Variants in SFSWAP observed in about 807,000 individuals in gnomAD.
SFSWAP encodes the protein splicing factor SWAP.
A neutral mutation model predicts 100.7 loss-of-function variants in SFSWAP; 17 were observed. The ratio of observed to expected loss-of-function variants is 0.17; its 90% CI spans 0.12 to 0.25. The LOEUF (loss-of-function observed/expected upper bound fraction) is 0.25, where lower values mean the gene tolerates loss of function less well. Among genes scored for constraint, SFSWAP ranks in the 10% least tolerant of loss-of-function variants. The pLI, the probability that SFSWAP is intolerant of heterozygous loss-of-function variation, is 1.00. For synonymous variants in SFSWAP, 504 were observed against 510.1 expected (o/e 0.99, Z 0.16); for missense variants, 1,005 against 1,262.6 (o/e 0.80, Z 3.09).
chr12:131,742,042 T>G (rs1051320032), intron 7 of SFSWAP, among the ~76,000 whole-genome samples: 9 of 152,310 alleles, frequency 5.9e-5, no homozygotes, highest in Middle Eastern at 6.8e-3. Context: ...ACAGCCTTCT[T>G]GGGAAGACCT....
At chr12:131,792,039 C>T (rs1334845548) in intron 15 of SFSWAP, among the ~76,000 whole-genome samples, 3 of 150,354 alleles carry the variant, frequency 2.0e-5, no homozygotes, top group Admixed American at 6.6e-5. Flanking sequence ...TGTGTGTTCA[C>T]GGATCAGTAC....
At chr12:131,783,787 A>G (rs1884668140) in intron 14 of SFSWAP, 2 of 53,102 alleles carry the variant, frequency 3.8e-5, no homozygotes, top group South Asian at 1.5e-3. Context: ...TCAAAAAAAA[A>G]CATTTTATAT....
chr12:131,748,052 C>T (rs532167081), intron 7 of SFSWAP, among the ~76,000 whole-genome samples: 36 of 152,258 alleles, frequency 2.4e-4, no homozygotes, highest in South Asian at 1.0e-3. Context: ...CCTGGAGAGC[C>T]GGGAGACAGG....
intron 13 of SFSWAP, among the ~76,000 whole-genome samples, chr12:131,766,516 G>A (rs981607471): frequency 1.3e-4 from 20 of 152,188 alleles, no homozygotes; most frequent in African/African-American, 4.3e-4. Flanking sequence ...GCACAGTCAC[G>A]CCAGCAGCAA....
At chr12:131,751,840 C>T (rs1470515613) in intron 7 of SFSWAP, among the ~76,000 whole-genome samples, 5 of 152,230 alleles carry the variant, frequency 3.3e-5, no homozygotes, top group Non-Finnish European at 4.4e-5. Flanking sequence ...CCCCTGCTCC[C>T]GGCCTTTTCT....
intron 4 of SFSWAP, among the ~76,000 whole-genome samples, chr12:131,720,829 A>G (rs1385918779): frequency 1.3e-5 from 2 of 152,200 alleles, no homozygotes; most frequent in Non-Finnish European, 1.5e-5. Flanking sequence ...TCTTTCAAAT[A>G]TGGGTAAAAT....
Position 131,753,285 on chromosome 12 carries a change from CTCCTGGGACCACACCACT to C in SFSWAP, c.1245_1262del (p.Gly417_Pro422del). 6.2e-7 allele frequency: 1 copy of C among 1,613,084 alleles called. No homozygotes were observed. The highest frequency in any genetic ancestry group is 8.5e-7 in the Non-Finnish European group (1 of 1,179,082). On this transcript the variant is annotated inframe_deletion, in exon 8 of 18. Coordinates refer to ENST00000261674, the MANE Select transcript of SFSWAP (RefSeq NM_004592.4). ...GGAGTGACGACCACCGCCCCACCAC[CTCCTGGGACCACACCACT>C]ACCGCCCCCAACCACAGCAGAGACT...
At chr12:131,772,031 TC>T (rs1262161702) in intron 13 of SFSWAP, among the ~76,000 whole-genome samples, 2 of 152,176 alleles carry the variant, frequency 1.3e-5, no homozygotes, top group East Asian at 3.8e-4. Flanking sequence ...GGCCCATGTT[TC>T]TTCGACCTAG....
chr12:131,750,342 C>T (rs1206855588), intron 7 of SFSWAP, among the ~76,000 whole-genome samples: 1 of 152,230 alleles, frequency 6.6e-6, no homozygotes. Context: ...GTGTTTTCAT[C>T]TCATCAAGCA....
In SFSWAP at chr12:131,793,542, A is replaced by G. The variant is rs534469227; in HGVS notation, c.2535-3636A>G. On this transcript the variant is annotated intron_variant, in intron 15 of 17. Transcript: ENST00000261674. ...TTTGAAGAAAACACAGAATATGTTC[A>G]TGAATTTGAGGGTGGCAAAGATTCC... Among the ~76,000 whole-genome samples, 10 of 152,338 alleles carry G rather than the reference A, an allele frequency of 6.6e-5. No individual in the cohort carries two copies. In the South Asian group the frequency reaches 1.4e-3, roughly 22 times the overall value.
At position 131,725,390 on chromosome 12, in the gene SFSWAP, TGTG is replaced by T; in HGVS notation, c.607-14_607-12del. On this transcript the variant is annotated splice_polypyrimidine_tract_variant and intron_variant, in intron 4 of 17. Transcript: ENST00000261674. This position sits in a 1 kb window ranked among gnomAD's most constrained non-coding sequence, Gnocchi z 4.3. The stretch of plus-strand genomic sequence containing the variant: ...AGGACAAATGGGTGACGTGAATATG[TGTG>T]TTTTCCCGTAGCCACCAACCGCTAA... 5.3e-6 allele frequency: 8 copies of T among 1,514,880 alleles called. No individual in the cohort carries two copies. The highest frequency in any genetic ancestry group is 7.1e-6 in the Non-Finnish European group (8 of 1,124,328). 93.8% of individuals were successfully genotyped at this position (1,514,880 alleles called of 1,614,324 possible).
rs539083697 is a variant in SFSWAP at position 131,778,939 on chromosome 12, G to A, written c.2408+609G>A. 2.0e-5 allele frequency among the ~76,000 whole-genome samples: 3 copies of A among 152,058 alleles called. No homozygotes were observed. The highest frequency in any genetic ancestry group is 2.1e-4 in the South Asian group (1 of 4,812). The stretch of plus-strand genomic sequence containing the variant: ...GCCGATTGTGTGAAAGATTCACAGG[G>A]TGGTGTGCTGGGGGTCTTTTGTTTT... On this transcript the variant is annotated intron_variant, in intron 14 of 17. Coordinates refer to ENST00000261674, the MANE Select transcript of SFSWAP (RefSeq NM_004592.4). The surrounding 1 kb of genome is among the most constrained non-coding windows in gnomAD (Gnocchi z 4.2).
chr12:131,714,267 G>C lies in SFSWAP; in HGVS notation c.388+27G>C. 3 of 1,556,746 alleles carry C rather than the reference G, an allele frequency of 1.9e-6. No individual in the cohort carries two copies. The highest frequency in any genetic ancestry group is 2.6e-6 in the Non-Finnish European group (3 of 1,151,234). Reference sequence around the variant, plus strand: ...TACTGCTCAAGACAAACTTACTTCAGCAACAAACTTTTTAAAATTTTTAAG... The same window carrying C: ...TACTGCTCAAGACAAACTTACTTCACCAACAAACTTTTTAAAATTTTTAAG... On this transcript the variant is annotated intron_variant, in intron 2 of 17. Transcript: ENST00000261674. This position sits in a 1 kb window ranked among gnomAD's most constrained non-coding sequence, Gnocchi z 6.0.
intron 11 of SFSWAP, chr12:131,757,864 T>C (rs774651299): frequency 6.6e-6 from 1 of 152,120 alleles, no homozygotes; most frequent in Non-Finnish European, 1.5e-5. Context: ...ATCAAAGGAA[T>C]GTAATAAGTA....
intron 17 of SFSWAP, 51 bp downstream of exon 17, chr12:131,799,160 G>A: frequency 7.0e-7 from 1 of 1,437,492 alleles, no homozygotes; most frequent in East Asian, 2.3e-5. Context: ...AAGGGGCCTC[G>A]TGGTTTCTCT....
At position 131,733,907 on chromosome 12, in the gene SFSWAP, C is replaced by T. The variant is rs116101093; in HGVS notation, c.1081+5479C>T. Among the ~76,000 whole-genome samples the T allele has an allele frequency of 0.013, 2,012 of 152,336 alleles. 43 individuals are homozygous for T. The highest frequency in any genetic ancestry group is 0.044 in the African/African-American group (1,846 of 41,576). ...CAGGGCGTGGTCTCCAGATGACTTA[C>T]CTCCTAGATACAGACAAGACCCCAA... On this transcript the variant is annotated intron_variant, in intron 7 of 17. Transcript: ENST00000261674. The surrounding 1 kb of genome is among the most constrained non-coding windows in gnomAD (Gnocchi z 5.1).
chr12:131,740,966 C>CTTT (rs60047663), intron 7 of SFSWAP, among the ~76,000 whole-genome samples: 793 of 70,174 alleles, frequency 0.011, 33 homozygotes, highest in African/African-American at 0.023. Context: ...TCTTTTTTTT[C>CTTT]TTTTTTTTTT....
At position 131,714,388 on chromosome 12, in the gene SFSWAP, G is replaced by A. The variant is rs956590178; in HGVS notation, c.388+148G>A. Reference sequence around the variant, plus strand: ...GGATTGGAAAAACAGGAGTCTTTGCGTTCTGAGAGGACCTCAGGATAGTTT... The same window carrying A: ...GGATTGGAAAAACAGGAGTCTTTGCATTCTGAGAGGACCTCAGGATAGTTT... On this transcript the variant is annotated intron_variant, in intron 2 of 17. Coordinates refer to ENST00000261674, the MANE Select transcript of SFSWAP (RefSeq NM_004592.4). The surrounding 1 kb of genome is among the most constrained non-coding windows in gnomAD (Gnocchi z 6.0). The A allele has an allele frequency of 1.7e-5, 11 of 647,800 alleles. No homozygotes were observed. Among genetic ancestry groups the A allele is most frequent in the South Asian group, 2.2e-5 (1 of 45,166 alleles). 40.1% of individuals were successfully genotyped at this position (647,800 alleles called of 1,614,324 possible).
chr12:131,792,294 CTG>C (rs1258844156), intron 15 of SFSWAP, among the ~76,000 whole-genome samples: 6 of 148,776 alleles, frequency 4.0e-5, no homozygotes, highest in Admixed American at 6.7e-5. Flanking sequence ...CAGATCAGTA[CTG>C]TGTGTGCACC....
Sources: allele counts gnomAD v4.1 joint callset (sites outside exome capture counted in the v4.1 genomes callset), GRCh38; gene constraint gnomAD v4.1.1; non-coding constraint Gnocchi (gnomAD v3.1); transcripts MANE v1.5; gene names NCBI Gene and HGNC (gene_info 2026-07-23, HGNC 2026-07-21).